The following TENM2 variants were observed in gnomAD, a reference collection of about 807,000 sequenced individuals.
TENM2 encodes the protein teneurin transmembrane protein 2.
In TENM2, 52 loss-of-function variants were observed where a neutral mutation model predicts 245.2. The observed-to-expected ratio is 0.21, with a 90% CI of 0.17 to 0.27. The LOEUF (loss-of-function observed/expected upper bound fraction) is 0.27. Among genes scored for constraint, TENM2 ranks in the 10% least tolerant of loss-of-function variants. The pLI, the probability that TENM2 is intolerant of heterozygous loss-of-function variation, is 1.00. For missense variants in TENM2, 3,046 were observed against 3,666.8 expected, an observed-to-expected ratio of 0.83 and a Z score of 4.37; for synonymous variants, 1,363 against 1,438.9, an observed-to-expected ratio of 0.95 and a Z score of 1.19.
intron 2 of TENM2, among the ~76,000 whole-genome samples, chr5:167,421,004 T>A (rs2127423154): frequency 6.6e-6 from 1 of 152,266 alleles, no homozygotes; most frequent in African/African-American, 2.4e-5. Context: ...ACTAAATTAA[T>A]TGGAGACAAG....
chr5:167,733,497 C>G (rs193208180), intron 2 of TENM2, among the ~76,000 whole-genome samples: 10 of 152,314 alleles, frequency 6.6e-5, no homozygotes, highest in Admixed American at 3.3e-4. Flanking sequence ...ACTACTACCT[C>G]TATTCCAAAG....
chr5:168,009,654 C>T (rs1785081072), intron 5 of TENM2, among the ~76,000 whole-genome samples: 1 of 152,164 alleles, frequency 6.6e-6, no homozygotes, highest in Non-Finnish European at 1.5e-5. Flanking sequence ...TTAGAATTAG[C>T]CTCCAAACTA....
At chr5:167,725,284 A>C (rs142396348) in intron 2 of TENM2, among the ~76,000 whole-genome samples, 3 of 152,116 alleles carry the variant, frequency 2.0e-5, no homozygotes, top group South Asian at 2.1e-4. Context: ...CTTTTGTTTG[A>C]GTATCTTCAA....
intron 23 of TENM2, among the ~76,000 whole-genome samples, chr5:168,225,106 C>T (rs1035535287): frequency 6.6e-6 from 1 of 152,172 alleles, no homozygotes; most frequent in Non-Finnish European, 1.5e-5. Flanking sequence ...GTGCTAAGGA[C>T]AACTGCTGAT....
intron 4 of TENM2, among the ~76,000 whole-genome samples, chr5:167,989,268 A>AAGAGAGAGAGAGAGAGAGAGAG (rs10617322): frequency 1.7e-4 from 25 of 145,014 alleles, no homozygotes; most frequent in African/African-American, 6.2e-4. Flanking sequence ...AAGATAGAGA[A>AAGAGAGAGAGAGAGAGAGAGAG]AGAGAGAGAG....
intron 2 of TENM2, among the ~76,000 whole-genome samples, chr5:167,785,769 C>T (rs1462652364): frequency 3.3e-5 from 5 of 152,196 alleles, no homozygotes; most frequent in Non-Finnish European, 7.3e-5. Flanking sequence ...AGCAGTGGTG[C>T]TGACATTTCC....
At chr5:167,177,826 G>A in the TENM2 span, among the ~76,000 whole-genome samples, 65 of 152,276 alleles carry the variant, frequency 4.3e-4, no homozygotes, top group African/African-American at 1.5e-3. Flanking sequence ...CCTGAATAGC[G>A]AAGTGAGCTC....
In TENM2 at chr5:168,190,600, T is replaced by C. The variant is rs1233442245; in HGVS notation, c.2780+53T>C. 2.0e-6 allele frequency: 3 copies of C among 1,530,038 alleles called. No individual in the cohort carries two copies. The African/African-American group carries it at 4.1e-5, about 21-fold the overall frequency. 94.8% of individuals were successfully genotyped at this position (1,530,038 alleles called of 1,614,324 possible). On this transcript the variant is annotated intron_variant, in intron 14 of 28. Transcript: ENST00000518659. ...CTGAAGTCTCTGATTTTCTTCCTGTTGGAGCCAGAGGCAGTTCTCCAGCTT... is the reference window on the plus strand; with the variant it reads ...CTGAAGTCTCTGATTTTCTTCCTGTCGGAGCCAGAGGCAGTTCTCCAGCTT...
chr5:167,846,981 G>A (rs1770102958), intron 2 of TENM2, among the ~76,000 whole-genome samples: 1 of 148,276 alleles, frequency 6.7e-6, no homozygotes. Flanking sequence ...ATTGGAAATG[G>A]GATCTCATTC....
At chr5:167,644,255 G>C (rs1445621116) in intron 2 of TENM2, among the ~76,000 whole-genome samples, 3 of 152,178 alleles carry the variant, frequency 2.0e-5, no homozygotes, top group African/African-American at 7.2e-5. Flanking sequence ...AAACAAACTT[G>C]GTAATAGGTG....
At chr5:167,321,616 G>A (rs1756727296) in intron 1 of TENM2, among the ~76,000 whole-genome samples, 1 of 152,070 alleles carries the variant, frequency 6.6e-6, no homozygotes, top group African/African-American at 2.4e-5. Flanking sequence ...TAGAAGGGGA[G>A]CAAAGCAGCT....
intron 5 of TENM2, among the ~76,000 whole-genome samples, chr5:168,002,358 A>C (rs959756807): frequency 6.6e-6 from 1 of 152,244 alleles, no homozygotes. Context: ...TCATGATGCA[A>C]TTCTCTCAGT....
intron 3 of TENM2, among the ~76,000 whole-genome samples, chr5:167,892,223 T>A (rs932690212): frequency 6.6e-6 from 1 of 152,120 alleles, no homozygotes; most frequent in African/African-American, 2.4e-5. Flanking sequence ...CTTGAAAAAA[T>A]TATTTTCCAG....
At chr5:167,110,543 A>G in the TENM2 span, among the ~76,000 whole-genome samples, 1 of 152,220 alleles carries the variant, frequency 6.6e-6, no homozygotes, top group Admixed American at 6.5e-5. Flanking sequence ...CAATGTACAT[A>G]TTGTAGGCAT....
the TENM2 span, among the ~76,000 whole-genome samples, chr5:167,190,447 G>A: frequency 2.0e-5 from 3 of 152,090 alleles, no homozygotes; most frequent in Non-Finnish European, 4.4e-5. Flanking sequence ...AAATTAGATT[G>A]GTGGGAGGGA....
the TENM2 span, among the ~76,000 whole-genome samples, chr5:167,121,868 G>T: frequency 2.0e-5 from 3 of 152,190 alleles, no homozygotes; most frequent in South Asian, 6.2e-4. Context: ...CATTCATGGG[G>T]TGCTGACAAG....
chr5:167,498,595 C>T (rs1489024235), intron 2 of TENM2, among the ~76,000 whole-genome samples: 7 of 152,072 alleles, frequency 4.6e-5, no homozygotes, highest in Admixed American at 3.3e-4. Flanking sequence ...GGCACAGATG[C>T]CAGCAGATAC....
the TENM2 span, among the ~76,000 whole-genome samples, chr5:167,217,978 A>G: frequency 6.6e-6 from 1 of 152,078 alleles, no homozygotes; most frequent in East Asian, 1.9e-4. Context: ...AAAAAAACAC[A>G]TCAAAACAAA....
rs1239700915 is a variant in TENM2, at chr5:168,196,928, A to G, written c.2900+1633A>G. On this transcript the variant is annotated intron_variant, in intron 15 of 28. Coordinates refer to ENST00000518659, the Ensembl canonical transcript of TENM2. ...CCCAAGTCCACTTCCCAGATCATCT[A>G]TCCAACCTCCTGGATCAGTTACTCT... Among the ~76,000 whole-genome samples the G allele has an allele frequency of 7.9e-5, 12 of 152,248 alleles. 1 individual carries two copies. The highest frequency in any genetic ancestry group is 3.4e-3 in the Middle Eastern group (1 of 294).
Sources: gnomAD v4.1 joint callset for allele counts (sites outside exome capture counted in the v4.1 genomes callset) on GRCh38, gnomAD v4.1.1 for gene constraint, MANE v1.5 for transcripts, NCBI Gene and HGNC (gene_info 2026-07-23, HGNC 2026-07-21) for gene names.